Variants in NAV1 observed in about 807,000 individuals in gnomAD.
The protein encoded by NAV1 is pore membrane and/or filament interacting like protein 3.
NAV1 carries 18 observed loss-of-function variants against 175.2 expected under a neutral mutation model. That is an observed-to-expected ratio of 0.10 (90% CI 0.07 to 0.15). The LOEUF (loss-of-function observed/expected upper bound fraction) is 0.15. NAV1 is among the 10% of genes least tolerant of loss of function. The pLI is 1.00. For missense variants in NAV1, 1,731 were observed against 2,436.6 expected (o/e 0.71, Z 6.10); for synonymous variants, 897 against 978.7 (o/e 0.92, Z 1.56).
In NAV1 at chr1:201,789,798, A is replaced by G. The variant is rs375491792; in HGVS notation, c.3219+6A>G. 1.2e-6 allele frequency: 2 copies of G among 1,613,164 alleles called. No individual in the cohort carries two copies. Among genetic ancestry groups the G allele is most frequent in the Non-Finnish European group, 1.7e-6 (2 of 1,179,290 alleles). On this transcript the variant is annotated splice_donor_region_variant and intron_variant, in intron 11 of 29. Coordinates refer to ENST00000367296, the Ensembl canonical transcript of NAV1. Reference sequence around the variant, plus strand: ...CCTCCTCCACCTACTCCTCAGTAAGAGCATTAACTTCTCTTCCCCTCTCAT... The same window carrying G: ...CCTCCTCCACCTACTCCTCAGTAAGGGCATTAACTTCTCTTCCCCTCTCAT...
upstream of NAV1, among the ~76,000 whole-genome samples, chr1:201,618,599 T>C (rs989220673): frequency 2.0e-5 from 3 of 152,112 alleles, no homozygotes; most frequent in Non-Finnish European, 4.4e-5. Context: ...AGCCCGGATA[T>C]GCTCTCGGCG....
chr1:201,625,209 G>T (rs906807564), intron 1 of NAV1, among the ~76,000 whole-genome samples: 3 of 152,192 alleles, frequency 2.0e-5, no homozygotes, highest in Non-Finnish European at 2.9e-5. Context: ...GAAGAAGTTT[G>T]CTTTGGAAAG....
intron 1 of NAV1, among the ~76,000 whole-genome samples, chr1:201,623,823 C>T (rs531184427): frequency 4.7e-4 from 71 of 152,304 alleles, no homozygotes; most frequent in African/African-American, 1.6e-3. Context: ...CTGACTGAAG[C>T]TCTGATCTTT....
intron 2 of NAV1, among the ~76,000 whole-genome samples, chr1:201,639,388 CT>C (rs1467179045): frequency 6.6e-6 from 1 of 152,186 alleles, no homozygotes; most frequent in Non-Finnish European, 1.5e-5. Flanking sequence ...GAAGGAAGGT[CT>C]CAATGCTTGG....
At chr1:201,684,015 A>ATT (rs1237648624) in intron 1 of NAV1, among the ~76,000 whole-genome samples, 6 of 151,864 alleles carry the variant, frequency 4.0e-5, no homozygotes, top group African/African-American at 1.5e-4. Flanking sequence ...CCAGTTCTAC[A>ATT]TTTTTTATTT....
chr1:201,665,627 G>C (rs570306510), intron 1 of NAV1, among the ~76,000 whole-genome samples: 23 of 83,200 alleles, frequency 2.8e-4, no homozygotes, highest in East Asian at 2.3e-3. Context: ...AGGTCAGCTG[G>C]ATCACCTTCA....
chr1:201,807,807 A>T lies in NAV1; in HGVS notation c.3649-146A>T. On this transcript the variant is annotated intron_variant, in intron 17 of 29. Coordinates refer to ENST00000367296, the Ensembl canonical transcript of NAV1. This position sits in a 1 kb window ranked among gnomAD's most constrained non-coding sequence, Gnocchi z 5.4. ...GCAACTCTTCTGTCCGTATTCTATG[A>T]ATCAAGTGAAGTGTTATAGAGGGTG... 1 of 759,676 alleles carries T rather than the reference A, an allele frequency of 1.3e-6. No homozygotes were observed. Among genetic ancestry groups the T allele is most frequent in the Non-Finnish European group, 2.2e-6 (1 of 450,650 alleles). The allele number at this position is 759,676 out of a possible 1,614,324, so 47.1% of individuals were successfully genotyped here.
At position 201,786,628 on chromosome 1, in the gene NAV1, C is replaced by T. The variant is rs771896225; in HGVS notation, c.2995+51C>T. On this transcript the variant is annotated intron_variant, in intron 9 of 29. Coordinates refer to ENST00000367296, the Ensembl canonical transcript of NAV1. ...GGCATGGGGTGAAGCAGGGGTCACC[C>T]TGCAGGGTGAGGCAAGGCAGGTGGG... 1.9e-6 allele frequency: 3 copies of T among 1,567,226 alleles called. No individual in the cohort carries two copies. The African/African-American group carries it at 4.0e-5, about 21-fold the overall frequency.
chr1:201,645,495 T>C (rs1259579860), upstream of NAV1, among the ~76,000 whole-genome samples: 1 of 151,938 alleles, frequency 6.6e-6, no homozygotes, highest in African/African-American at 2.4e-5. Context: ...GGCACATGTA[T>C]ATGTATGTAA....
intron 15 of NAV1, chr1:201,798,692 TC>T (rs1677624434): frequency 8.6e-6 from 1 of 116,166 alleles, no homozygotes; most frequent in African/African-American, 3.3e-5. Context: ...TCATTTTCTC[TC>T]TCTTTTTTTT....
chr1:201,801,578 C>T (rs572660999), intron 15 of NAV1, among the ~76,000 whole-genome samples: 1 of 152,210 alleles, frequency 6.6e-6, no homozygotes, highest in South Asian at 2.1e-4. Flanking sequence ...GCCTTGGCAT[C>T]CCTGGGTGCT....
exon 30 of NAV1, chr1:201,819,938 C>T (rs191139092): frequency 5.4e-5 from 87 of 1,613,686 alleles, no homozygotes; most frequent in East Asian, 6.7e-5. Context: ...TTTAAGGGTT[C>T]GGCAATCACT....
Position 201,716,938 on chromosome 1 carries a change from A to C in NAV1, c.861-1452A>C, listed in dbSNP as rs550914685. On this transcript the variant is annotated intron_variant, in intron 2 of 29. Transcript: ENST00000367296. ...CCAGGAGGGGAGCCGCTGGGCATGGACACGGTCAGGAAGCCCTCCAGAGGG... is the reference window on the plus strand; with the variant it reads ...CCAGGAGGGGAGCCGCTGGGCATGGCCACGGTCAGGAAGCCCTCCAGAGGG... Among the ~76,000 whole-genome samples the C allele has an allele frequency of 2.0e-4, 31 of 152,282 alleles. 1 individual carries two copies. The highest frequency in any genetic ancestry group is 9.2e-4 in the Admixed American group (14 of 15,300).
chr1:201,641,879 C>T (rs1054221225), intron 2 of NAV1, among the ~76,000 whole-genome samples: 5 of 152,208 alleles, frequency 3.3e-5, no homozygotes, highest in Middle Eastern at 3.4e-3. Context: ...TTCTCCCTCC[C>T]GCAAATCTCC....
At chr1:201,726,645 T>A (rs1237490055) in intron 3 of NAV1, among the ~76,000 whole-genome samples, 1 of 109,076 alleles carries the variant, frequency 9.2e-6, no homozygotes, top group African/African-American at 3.6e-5. Context: ...CAAAACTCCA[T>A]CTCAAAAAAA....
At chr1:201,627,368 G>A (rs1236843179) in intron 1 of NAV1, among the ~76,000 whole-genome samples, 1 of 151,990 alleles carries the variant, frequency 6.6e-6, no homozygotes, top group Non-Finnish European at 1.5e-5. Flanking sequence ...CACCTCCCTG[G>A]TTCAAGCGAT....
At chr1:201,587,320 T>C (rs1667062772) in intron 1 of NAV1, among the ~76,000 whole-genome samples, 1 of 151,648 alleles carries the variant, frequency 6.6e-6, no homozygotes, top group East Asian at 1.9e-4. Flanking sequence ...AGAAAGTGAA[T>C]AACTCAACTC....
chr1:201,756,820 CTT>C lies in NAV1; in HGVS notation c.1227-23599_1227-23598del, dbSNP rs1553267174. ...TCTTTCTTTCTTTCCTTCTTTCTTT[CTT>C]TCTTTCTTTCTTTCTTTCTTTCTTT... On this transcript the variant is annotated intron_variant, in intron 3 of 29. Transcript: ENST00000367296. 1.0e-4 allele frequency among the ~76,000 whole-genome samples: 3 copies of C among 29,150 alleles called. No individual in the cohort carries two copies. In the East Asian group the frequency reaches 1.4e-3, roughly 14 times the overall value. 19.1% of individuals were successfully genotyped at this position (29,150 alleles called of 152,430 possible).
chr1:201,811,987 G>A lies in NAV1; in HGVS notation c.5024+13G>A, dbSNP rs1678719408. The stretch of plus-strand genomic sequence containing the variant: ...ACTTGAGCTTCAGGTAAGACCTCTA[G>A]CTCTGGATGAACCTTCTGACCCTAC... On this transcript the variant is annotated intron_variant, in intron 26 of 29. Transcript: ENST00000367296. The A allele has an allele frequency of 1.2e-6, 2 of 1,613,310 alleles. No homozygotes were observed. Among genetic ancestry groups the A allele is most frequent in the African/African-American group, 1.3e-5 (1 of 75,000 alleles).
Sources: gnomAD v4.1 joint callset for allele counts (sites outside exome capture counted in the v4.1 genomes callset) on GRCh38, gnomAD v4.1.1 for gene constraint, Gnocchi (gnomAD v3.1) non-coding constraint, MANE v1.5 for transcripts, NCBI Gene and HGNC (gene_info 2026-07-23, HGNC 2026-07-21) for gene names.